SH2D6: variants seen among roughly 807,000 people sequenced by gnomAD.
SH2D6 encodes SH2 domain containing 6.
Under a neutral mutation model 30.2 loss-of-function variants are expected in SH2D6, and 31 were observed. The ratio of observed to expected loss-of-function variants is 1.03; its 90% CI spans 0.77 to 1.38. The LOEUF (loss-of-function observed/expected upper bound fraction) is 1.38. SH2D6 is among the 40% of genes most tolerant of loss of function. The pLI is 0.00. For missense variants in SH2D6, 240 were observed against 266.8 expected (o/e 0.90, Z 0.70); for synonymous variants, 93 against 104.6 (o/e 0.89, Z 0.68).
intron 5 of SH2D6, among the ~76,000 whole-genome samples, chr2:85,423,956 G>A (rs1687856301): frequency 6.6e-6 from 1 of 152,218 alleles, no homozygotes. Context: ...CACCTGCTCT[G>A]GCAAAAATGT....
chr2:85,433,692 A>T, intron 16 of SH2D6, 61 bp downstream of exon 16: 2 of 1,061,816 alleles, frequency 1.9e-6, no homozygotes, highest in Non-Finnish European at 1.2e-6. Flanking sequence ...CTCACAGCAC[A>T]ACACACTCTC....
chr2:85,436,520 CT>C lies in SH2D6; in HGVS notation c.948del (p.Val317TrpfsTer33). ...VQHFMWHPLP[L>X]VDRHSGSREL... Reference sequence around the variant, plus strand: ...GCACTTCATGTGGCACCCTCTGCCCCTTGTGGACAGACACAGCGGCAGCCGG... The same window carrying C: ...GCACTTCATGTGGCACCCTCTGCCCCTGTGGACAGACACAGCGGCAGCCGG... On this transcript the variant is annotated frameshift_variant, in exon 23 of 24. Transcript: ENST00000469800. LOFTEE classifies it high-confidence loss of function. The C allele has an allele frequency of 6.2e-7, 1 of 1,613,786 alleles. No homozygotes were observed. Among genetic ancestry groups the C allele is most frequent in the Non-Finnish European group, 8.5e-7 (1 of 1,180,002 alleles).
intron 15 of SH2D6, 87 bp from the exon 16 acceptor site, chr2:85,433,484 C>T (rs1280792647): frequency 4.5e-6 from 3 of 673,526 alleles, no homozygotes; most frequent in Admixed American, 6.3e-5. Context: ...CCCTTCAAAT[C>T]GATGGCTCCT....
chr2:85,425,090 T>C (rs775553223), intron 5 of SH2D6, among the ~76,000 whole-genome samples: 8 of 151,708 alleles, frequency 5.3e-5, no homozygotes, highest in Admixed American at 2.0e-4. Flanking sequence ...AATAAATAAA[T>C]AGTCCCAACA....
intron 20 of SH2D6, 99 bp from the exon 21 acceptor site, chr2:85,435,314 T>G: frequency 7.3e-7 from 1 of 1,375,754 alleles, no homozygotes; most frequent in Non-Finnish European, 1.0e-6. Context: ...CAGTTGAGCA[T>G]AGGAGATGGG....
Position 85,435,797 on chromosome 2 carries a change from G to T in SH2D6, c.864G>T (p.Leu288=). ...TGGATGGCGGACGCCACTATGCCCT[G>T]GGCCGGGAGGGCAGGAACCGTGAGG... is the stretch of plus-strand genomic sequence containing the variant. ...RRLDGGRHYA[L]GREGRNREEL... Residue 288 remains leucine (L), a synonymous_variant, in exon 22 of 24, where the codon CTG becomes CTT. Coordinates refer to ENST00000469800, the MANE Select transcript of SH2D6 (RefSeq NM_001394463.1). The T allele has an allele frequency of 6.3e-7, 1 of 1,599,892 alleles. No individual in the cohort carries two copies.
Position 85,434,976 on chromosome 2 carries a change from C to T in SH2D6, c.590-89C>T, listed in dbSNP as rs781342357. The T allele has an allele frequency of 4.4e-6, 7 of 1,575,462 alleles. No homozygotes were observed. In the East Asian group the frequency reaches 1.4e-4, roughly 31 times the overall value. On this transcript the variant is annotated intron_variant, in intron 19 of 23. Coordinates refer to ENST00000469800, the MANE Select transcript of SH2D6 (RefSeq NM_001394463.1). Reference sequence around the variant, plus strand: ...GGGCCATGTACGCCTCCTCCTACCCCCCACCCCCGCAGCTGTCCCCTAGAA... The same window carrying T: ...GGGCCATGTACGCCTCCTCCTACCCTCCACCCCCGCAGCTGTCCCCTAGAA...
At position 85,434,065 on chromosome 2, in the gene SH2D6, G is replaced by A; in HGVS notation, c.487G>A (p.Val163Ile). ...LALTQTLSFQVLMPSGPLPRT... is the reference protein window; with the variant it reads ...LALTQTLSFQILMPSGPLPRT... ...TTTGACTCAGACTCTCAGCTTCCAAGTCCTGATGCCCTCAGGCCCTCTGCC... is the reference window on the plus strand; with the variant it reads ...TTTGACTCAGACTCTCAGCTTCCAAATCCTGATGCCCTCAGGCCCTCTGCC... Residue 163 changes from valine to isoleucine, a missense_variant, in exon 17 of 24, where the codon GTC becomes ATC. By Grantham distance (29) the Val-to-Ile change is conservative. Coordinates refer to ENST00000469800, the MANE Select transcript of SH2D6 (RefSeq NM_001394463.1). 6.4e-7 allele frequency: 1 copy of A among 1,550,578 alleles called. No individual in the cohort carries two copies. The highest frequency in any genetic ancestry group is 8.7e-7 in the Non-Finnish European group (1 of 1,146,978).
intron 2 of SH2D6, chr2:85,420,984 G>C (rs576868358): frequency 2.6e-5 from 4 of 152,586 alleles, no homozygotes; most frequent in African/African-American, 9.6e-5. Flanking sequence ...AAAAGGGAGG[G>C]AGGGTGATCT....
intron 19 of SH2D6, 187 bp downstream of exon 19, chr2:85,434,684 G>A: frequency 7.3e-7 from 1 of 1,361,736 alleles, no homozygotes; most frequent in South Asian, 1.5e-5. Context: ...GTCCTGCCAG[G>A]GCCTGCCCCA....
Position 85,435,413 on chromosome 2 carries a change from G to T in SH2D6, c.649G>T (p.Asp217Tyr). 6.2e-7 allele frequency: 1 copy of T among 1,613,662 alleles called. No individual in the cohort carries two copies. The highest frequency in any genetic ancestry group is 1.1e-5 in the South Asian group (1 of 91,048). ...TCTGAGTGACTGTGTGTATGCACAG[G>T]ACAGTGATCTGCTGACTCAGCCTTG... ...APTGSASAAE[D>Y]SDLLTQPWYS... Residue 217 changes from aspartate to tyrosine, a missense_variant and splice_region_variant, in exon 21 of 24, where the codon GAC becomes TAC. Asp to Tyr is a radical substitution (Grantham distance 160, BLOSUM62 -3). Transcript: ENST00000469800.
chr2:85,426,731 G>T (rs140845533), intron 6 of SH2D6, among the ~76,000 whole-genome samples: 1 of 152,336 alleles, frequency 6.6e-6, no homozygotes, highest in Non-Finnish European at 1.5e-5. Flanking sequence ...ATAAGTAAGT[G>T]TTTCACTGAG....
intron 21 of SH2D6, 23 bp downstream of exon 21, chr2:85,435,519 T>C: frequency 6.2e-7 from 1 of 1,610,620 alleles, no homozygotes; most frequent in Middle Eastern, 1.7e-4. Context: ...GGACCCCGGG[T>C]CTTCTCCAAA....
intron 5 of SH2D6, among the ~76,000 whole-genome samples, chr2:85,423,578 A>G (rs2104884095): frequency 6.6e-6 from 1 of 152,292 alleles, no homozygotes; most frequent in East Asian, 1.9e-4. Flanking sequence ...GGGGAGACAG[A>G]GGGATGGTCT....
intron 19 of SH2D6, 51 bp downstream of exon 19, chr2:85,434,548 C>T: frequency 6.5e-7 from 1 of 1,541,638 alleles, no homozygotes; most frequent in Non-Finnish European, 8.8e-7. Context: ...TGATTGTTCA[C>T]AGTCAGTTAC....
At chr2:85,428,134 C>G (rs563667240) in intron 6 of SH2D6, among the ~76,000 whole-genome samples, 3 of 152,266 alleles carry the variant, frequency 2.0e-5, no homozygotes, top group South Asian at 4.1e-4. Flanking sequence ...TTTATCGCCA[C>G]GCTTCTCAGA....
chr2:85,433,253 G>T, intron 15 of SH2D6, 132 bp downstream of exon 15: 3 of 640,688 alleles, frequency 4.7e-6, no homozygotes, highest in Non-Finnish European at 5.8e-6. Flanking sequence ...CAGGGCCCCT[G>T]CCCCTCAGCC....
At chr2:85,434,631 A>AAAAAAAAAC in intron 19 of SH2D6, 134 bp downstream of exon 19, 5 of 1,368,822 alleles carry the variant, frequency 3.7e-6, no homozygotes, top group African/African-American at 2.9e-5. Context: ...AAAAAAAAAA[A>AAAAAAAAAC]AAAACTAGGT....
At chr2:85,435,301 A>G in intron 20 of SH2D6, 112 bp from the exon 21 acceptor site, 11 of 1,319,870 alleles carry the variant, frequency 8.3e-6, no homozygotes, top group Non-Finnish European at 1.1e-5. Context: ...CCTGAGGGGG[A>G]CTCAGTTGAG....
Sources: allele counts gnomAD v4.1 joint callset (sites outside exome capture counted in the v4.1 genomes callset), GRCh38; gene constraint gnomAD v4.1.1; transcripts MANE v1.5; gene names NCBI Gene and HGNC (gene_info 2026-07-23, HGNC 2026-07-21).